The following ACAD11 variants were observed in gnomAD, a reference collection of about 807,000 sequenced individuals.
The protein encoded by ACAD11 is acyl-Coenzyme A dehydrogenase family, member 11.
ACAD11 carries 83 observed loss-of-function variants against 102.2 expected under a neutral mutation model. The observed-to-expected ratio is 0.81, with a 90% CI of 0.68 to 0.97. The LOEUF is 0.97. Among genes scored for constraint, ACAD11 ranks in the 50% least tolerant of loss-of-function variants. The pLI is 0.00. For missense variants in ACAD11, 901 were observed against 951.7 expected (o/e 0.95, Z 0.70); for synonymous variants, 324 against 319.8 (o/e 1.01, Z -0.14).
In ACAD11 at chr3:132,558,867, C is replaced by A. The variant is rs1936961217; in HGVS notation, c.*104G>T. 1 of 777,056 alleles carries A rather than the reference C, an allele frequency of 1.3e-6. No homozygotes were observed. Among genetic ancestry groups the A allele is most frequent in the Admixed American group, 2.8e-5 (1 of 36,238 alleles). The allele number at this position is 777,056 out of a possible 1,614,324, so 48.1% of individuals were successfully genotyped here. Reference sequence around the variant, plus strand: ...TCTTTACCACAAATGAATAATTAACCCTGTGCTCAAACTGCTACAAAAATA... The same window carrying A: ...TCTTTACCACAAATGAATAATTAACACTGTGCTCAAACTGCTACAAAAATA... On this transcript the variant is annotated 3_prime_UTR_variant, in exon 20 of 20. Transcript: ENST00000264990.
chr3:132,605,858 T>C (rs1938815950), intron 11 of ACAD11, among the ~76,000 whole-genome samples: 1 of 152,192 alleles, frequency 6.6e-6, no homozygotes, highest in Non-Finnish European at 1.5e-5. Flanking sequence ...CCATACTACC[T>C]AGAAAATACT....
chr3:132,617,353 T>C (rs1939446273), intron 11 of ACAD11, among the ~76,000 whole-genome samples: 2 of 152,170 alleles, frequency 1.3e-5, no homozygotes, highest in South Asian at 4.1e-4. Flanking sequence ...TCCTATAGAC[T>C]ACGTTCCAGG....
At position 132,568,801 on chromosome 3, in the gene ACAD11, C is replaced by CAAAAAAAAAAAAAAAAA. The variant is rs755568917; in HGVS notation, c.2001+6954_2001+6970dup. 7.1e-4 allele frequency among the ~76,000 whole-genome samples: 49 copies of CAAAAAAAAAAAAAAAAA among 68,678 alleles called. 1 individual carries two copies. Among genetic ancestry groups the CAAAAAAAAAAAAAAAAA allele is most frequent in the South Asian group, 1.4e-3 (3 of 2,102 alleles). The allele number at this position is 68,678 out of a possible 152,430, so 45.1% of individuals were successfully genotyped here. On this transcript the variant is annotated intron_variant, in intron 17 of 19. Coordinates refer to ENST00000264990, the MANE Select transcript of ACAD11 (RefSeq NM_032169.5). ...GCTGAAGCAATTGGACATCCACAGG[C>CAAAAAAAAAAAAAAAAA]AAAAAAAAAAAAAAAAAAAAAAAAA...
chr3:132,600,385 C>G, intron 13 of ACAD11: 1 of 1,566,808 alleles, frequency 6.4e-7, no homozygotes. Flanking sequence ...TCTTTGCCAT[C>G]TAGATTGGAG....
chr3:132,578,774 G>A (rs1343306029), intron 15 of ACAD11, 22 bp downstream of exon 15: 3 of 1,609,904 alleles, frequency 1.9e-6, no homozygotes, highest in East Asian at 2.2e-5. Flanking sequence ...CTAATGCATG[G>A]TCATATTTAT....
Position 132,631,453 on chromosome 3 carries a change from C to A in ACAD11, c.729G>T (p.Trp243Cys). The A allele has an allele frequency of 6.5e-7, 1 of 1,538,656 alleles. No individual in the cohort carries two copies. The highest frequency in any genetic ancestry group is 1.3e-5 in the South Asian group (1 of 77,588). Residue 243 changes from tryptophan (W) to cysteine (C), a missense_variant, in exon 6 of 20, where the codon TGG becomes TGT. Trp to Cys is a radical substitution (Grantham distance 215). Transcript: ENST00000264990. ...AAGGATGACCAATGGTTGACAGCTC[C>A]CAATCCAGCACTGCTATAACTCGAC... is the stretch of plus-strand genomic sequence containing the variant. ...KECRVIAVLD[W>C]ELSTIGHPLS...
At chr3:132,575,675 C>T in intron 17 of ACAD11, 97 bp downstream of exon 17, 4 of 1,426,996 alleles carry the variant, frequency 2.8e-6, no homozygotes, top group Non-Finnish European at 3.9e-6. Flanking sequence ...TCACCCGGTT[C>T]ATGTAGAGAA....
In ACAD11 at chr3:132,639,587, C is replaced by G; in HGVS notation, c.607G>C (p.Glu203Gln). The change falls in exon 5 of 20, where the codon GAG becomes CAG. Residue 203 changes from glutamate to glutamine, a missense_variant. Transcript: ENST00000264990. Reference protein sequence around the residue: ...QDIPAMQQLSEWLMKNLPDND... With the variant: ...QDIPAMQQLSQWLMKNLPDND... ...TCGGGCAAGTTCTTCATTAGCCACT[C>G]CGATAGCTGTTGCATGGCAGGGATG... 6.2e-7 allele frequency: 1 copy of G among 1,613,880 alleles called. No homozygotes were observed. The highest frequency in any genetic ancestry group is 1.3e-5 in the African/African-American group (1 of 75,022).
chr3:132,569,612 T>C (rs1937320040), intron 17 of ACAD11, among the ~76,000 whole-genome samples: 1 of 152,114 alleles, frequency 6.6e-6, no homozygotes, highest in South Asian at 2.1e-4. Context: ...CTGTAGTATA[T>C]CCAGACTAAG....
chr3:132,573,023 A>T (rs1326750657), intron 17 of ACAD11, among the ~76,000 whole-genome samples: 3 of 152,114 alleles, frequency 2.0e-5, no homozygotes, highest in Non-Finnish European at 4.4e-5. Flanking sequence ...TCTACACGTC[A>T]TCTAGGTTGT....
chr3:132,654,976 C>T (rs1444891570), intron 1 of ACAD11, among the ~76,000 whole-genome samples: 1 of 152,188 alleles, frequency 6.6e-6, no homozygotes, highest in Non-Finnish European at 1.5e-5. Context: ...CAGCATGTGA[C>T]TGTACTGAAT....
At chr3:132,595,336 T>C (rs1444806469) in intron 13 of ACAD11, among the ~76,000 whole-genome samples, 1 of 151,684 alleles carries the variant, frequency 6.6e-6, no homozygotes, top group African/African-American at 2.4e-5. Flanking sequence ...AAGGGGTGAG[T>C]AGTGTGAAAT....
At chr3:132,654,617 C>T (rs912881430) in intron 1 of ACAD11, 5 of 152,230 alleles carry the variant, frequency 3.3e-5, no homozygotes, top group African/African-American at 1.2e-4. Context: ...CTGAGGCCTC[C>T]TTTCCTTTGG....
At chr3:132,580,414 C>A (rs1937581089) in intron 13 of ACAD11, among the ~76,000 whole-genome samples, 1 of 151,836 alleles carries the variant, frequency 6.6e-6, no homozygotes, top group Non-Finnish European at 1.5e-5. Flanking sequence ...GACAACTAAT[C>A]CAGTTTCTTC....
chr3:132,561,432 A>G (rs1180183965), intron 17 of ACAD11: 1 of 520,504 alleles, frequency 1.9e-6, no homozygotes, highest in Non-Finnish European at 3.6e-6. Flanking sequence ...AAATTGAAAT[A>G]TTTTAGAAAG....
At chr3:132,563,308 A>C (rs1213111125) in intron 17 of ACAD11, among the ~76,000 whole-genome samples, 1 of 152,120 alleles carries the variant, frequency 6.6e-6, no homozygotes, top group Non-Finnish European at 1.5e-5. Flanking sequence ...TTTCCATATA[A>C]ATTTTAGGAT....
chr3:132,624,266 A>G (rs1939715164), intron 9 of ACAD11, among the ~76,000 whole-genome samples: 1 of 149,642 alleles, frequency 6.7e-6, no homozygotes, highest in Admixed American at 6.7e-5. Context: ...GCATCACATC[A>G]CACACTCTAG....
At chr3:132,598,298 G>A (rs1938405439) in intron 13 of ACAD11, among the ~76,000 whole-genome samples, 1 of 152,122 alleles carries the variant, frequency 6.6e-6, no homozygotes, top group South Asian at 2.1e-4. Flanking sequence ...ATACTACGGG[G>A]TGCTAGTAGC....
At chr3:132,642,231 A>G in intron 3 of ACAD11, 98 bp from the exon 4 acceptor site, 1 of 1,167,532 alleles carries the variant, frequency 8.6e-7, no homozygotes, top group Non-Finnish European at 1.2e-6. Context: ...ATTTAATATT[A>G]GAGTATACAT....
Sources: allele counts gnomAD v4.1 joint callset (sites outside exome capture counted in the v4.1 genomes callset), GRCh38; gene constraint gnomAD v4.1.1; transcripts MANE v1.5; gene names NCBI Gene and HGNC (gene_info 2026-07-23, HGNC 2026-07-21).